The following TMEM178B variants were observed in gnomAD, a reference collection of about 807,000 sequenced individuals.
TMEM178B encodes the protein transmembrane protein 178B.
TMEM178B carries 5 observed loss-of-function variants against 31.0 expected under a neutral mutation model. That is an observed-to-expected ratio of 0.16 (90% CI 0.08 to 0.34). TMEM178B has a LOEUF of 0.34. TMEM178B is among the 10% of genes least tolerant of loss of function. The probability of loss-of-function intolerance (pLI) is 1.00; values close to 1 mark genes in which losing one functional copy is unlikely to be tolerated. For missense variants in TMEM178B, 275 were observed against 400.3 expected (o/e 0.69, Z 2.67); for synonymous variants, 164 against 164.0 (o/e 1.00, Z 0.00).
chr7:141,365,131 T>C (rs1488542005), intron 2 of TMEM178B, among the ~76,000 whole-genome samples: 1 of 152,262 alleles, frequency 6.6e-6, no homozygotes, highest in Non-Finnish European at 1.5e-5. Context: ...CATGGACACT[T>C]GGCATTTTCT....
chr7:141,167,842 G>A (rs1203026331), intron 1 of TMEM178B, among the ~76,000 whole-genome samples: 2 of 152,180 alleles, frequency 1.3e-5, no homozygotes, highest in African/African-American at 4.8e-5. Context: ...CCTACCCGTT[G>A]TGCCCCAGGG....
intron 2 of TMEM178B, among the ~76,000 whole-genome samples, chr7:141,371,007 A>G (rs1029146828): frequency 2.0e-5 from 3 of 152,242 alleles, no homozygotes; most frequent in African/African-American, 7.2e-5. Context: ...TGACAGATGA[A>G]TGGGCACATG....
chr7:141,395,251 C>A (rs1812888702), intron 2 of TMEM178B, among the ~76,000 whole-genome samples: 1 of 152,124 alleles, frequency 6.6e-6, no homozygotes, highest in South Asian at 2.1e-4. Context: ...CAAACCTGGG[C>A]AATATGGTGA....
At chr7:141,311,783 G>A (rs1324181190) in intron 2 of TMEM178B, among the ~76,000 whole-genome samples, 1 of 152,198 alleles carries the variant, frequency 6.6e-6, no homozygotes, top group Non-Finnish European at 1.5e-5. Context: ...GGAGAGTGAG[G>A]ACAAAGTTTG....
chr7:141,307,514 A>G (rs1257487345), intron 2 of TMEM178B, among the ~76,000 whole-genome samples: 1 of 152,206 alleles, frequency 6.6e-6, no homozygotes, highest in African/African-American at 2.4e-5. Context: ...TTAGGCCAAC[A>G]GGAGGCTCCC....
At chr7:141,097,763 G>T (rs893704316) in intron 1 of TMEM178B, among the ~76,000 whole-genome samples, 2 of 147,984 alleles carry the variant, frequency 1.4e-5, no homozygotes, top group Non-Finnish European at 3.0e-5. Context: ...ATCGCCATTC[G>T]CTTTATGTTT....
At chr7:141,303,520 C>T (rs574073341) in intron 2 of TMEM178B, among the ~76,000 whole-genome samples, 6 of 152,218 alleles carry the variant, frequency 3.9e-5, no homozygotes, top group Non-Finnish European at 5.9e-5. Flanking sequence ...CCAAACCTGA[C>T]GAGCTGCGTG....
chr7:141,136,597 G>C (rs1795679292), intron 1 of TMEM178B, among the ~76,000 whole-genome samples: 1 of 152,102 alleles, frequency 6.6e-6, no homozygotes, highest in African/African-American at 2.4e-5. Context: ...CCTGTAGAAT[G>C]GTAGAAAAGA....
chr7:141,368,426 G>A (rs1411360619), intron 2 of TMEM178B, among the ~76,000 whole-genome samples: 1 of 152,240 alleles, frequency 6.6e-6, no homozygotes, highest in Non-Finnish European at 1.5e-5. Flanking sequence ...AGTGCATAAA[G>A]TGTATTTATC....
At chr7:141,398,788 A>G (rs1800701791) in intron 2 of TMEM178B, among the ~76,000 whole-genome samples, 3 of 152,300 alleles carry the variant, frequency 2.0e-5, no homozygotes, top group Non-Finnish European at 2.9e-5. Context: ...GTCTCCGTCT[A>G]CAGAGGAGGA....
intron 1 of TMEM178B, among the ~76,000 whole-genome samples, chr7:141,179,125 G>C (rs187552889): frequency 6.6e-6 from 1 of 152,268 alleles, no homozygotes; most frequent in East Asian, 1.9e-4. Context: ...GAAACCACTG[G>C]TCTATAGAAT....
intron 2 of TMEM178B, among the ~76,000 whole-genome samples, chr7:141,359,917 A>G (rs1473629059): frequency 1.3e-5 from 2 of 152,210 alleles, no homozygotes; most frequent in Non-Finnish European, 1.5e-5. Flanking sequence ...GGCTGGCAAC[A>G]GAGCGAAAGG....
chr7:141,262,287 GCTCT>G (rs1798024889), intron 2 of TMEM178B, among the ~76,000 whole-genome samples: 1 of 151,960 alleles, frequency 6.6e-6, no homozygotes, highest in Non-Finnish European at 1.5e-5. Context: ...AGGGTTTGGT[GCTCT>G]CTTTCTCCCT....
At chr7:141,305,017 C>T (rs182144001) in intron 2 of TMEM178B, among the ~76,000 whole-genome samples, 21 of 152,304 alleles carry the variant, frequency 1.4e-4, no homozygotes, top group Non-Finnish European at 2.8e-4. Context: ...GTGTCTCTAC[C>T]TTCAATCTAT....
intron 2 of TMEM178B, among the ~76,000 whole-genome samples, chr7:141,343,459 G>A (rs1357296310): frequency 2.0e-5 from 3 of 148,570 alleles, no homozygotes; most frequent in Non-Finnish European, 4.5e-5. Context: ...TGCTCAGACT[G>A]TTGACCTTCC....
intron 3 of TMEM178B, among the ~76,000 whole-genome samples, chr7:141,448,659 T>C (rs1231986069): frequency 6.6e-6 from 1 of 152,028 alleles, no homozygotes; most frequent in African/African-American, 2.4e-5. Flanking sequence ...GGGGAGACGA[T>C]TTGAGTTCTC....
rs146005366 is a variant in TMEM178B, at chr7:141,201,569, G to A, written c.383-11022G>A. Among the ~76,000 whole-genome samples the A allele has an allele frequency of 5.3e-5, 8 of 152,310 alleles. 1 individual carries two copies. The highest frequency in any genetic ancestry group is 1.9e-4 in the African/African-American group (8 of 41,564). On this transcript the variant is annotated intron_variant, in intron 1 of 3. Transcript: ENST00000565468. ...TCCTCATCTGTTTTCTGAGGTGTGT[G>A]CTATTATTACCATCAGTATTTTGCA...
chr7:141,428,547 G>A (rs1278100540), intron 2 of TMEM178B, among the ~76,000 whole-genome samples: 1 of 152,074 alleles, frequency 6.6e-6, no homozygotes, highest in Non-Finnish European at 1.5e-5. Context: ...TGCTAGACCA[G>A]GTAAGGGAAA....
chr7:141,413,120 C>T (rs993349537), intron 2 of TMEM178B, among the ~76,000 whole-genome samples: 2 of 152,220 alleles, frequency 1.3e-5, no homozygotes, highest in African/African-American at 4.8e-5. Context: ...CTGAGCCCTT[C>T]TATGCGCCAC....
Sources: gnomAD v4.1 joint callset for allele counts (sites outside exome capture counted in the v4.1 genomes callset) on GRCh38, gnomAD v4.1.1 for gene constraint, MANE v1.5 for transcripts, NCBI Gene and HGNC (gene_info 2026-07-23, HGNC 2026-07-21) for gene names.